The following EML2 variants were observed in gnomAD, a reference collection of about 807,000 sequenced individuals.
EML2 encodes the protein echinoderm microtubule-associated protein-like 2.
A neutral mutation model predicts 84.7 loss-of-function variants in EML2; 59 were observed. That is an observed-to-expected ratio of 0.70 (90% confidence interval 0.56 to 0.86). The LOEUF (loss-of-function observed/expected upper bound fraction) is 0.86, where lower values mean the gene tolerates loss of function less well. Ranked by LOEUF, EML2 falls within the 40% of genes least tolerant of loss-of-function variation. EML2 has a pLI of 0.00. For missense variants in EML2, 818 were observed against 855.6 expected, an observed-to-expected ratio of 0.96 and a Z score of 0.55; for synonymous variants, 352 against 348.9, an observed-to-expected ratio of 1.01 and a Z score of -0.10.
chr19:45,637,066 T>G (rs1181011116), intron 3 of EML2, among the ~76,000 whole-genome samples: 1 of 152,246 alleles, frequency 6.6e-6, no homozygotes, highest in Non-Finnish European at 1.5e-5. Context: ...TCTCATCAGA[T>G]GCTTATCAAG....
Position 45,613,675 on chromosome 19 carries a change from TG to T in EML2, c.1694-5del. 1 of 1,611,106 alleles carries T rather than the reference TG, an allele frequency of 6.2e-7. No individual in the cohort carries two copies. Among genetic ancestry groups the T allele is most frequent in the South Asian group, 1.1e-5 (1 of 91,002 alleles). ...TCCGCCCCCTCAGACCAGATCCCTG[TG>T]GGCAAGATGAAGGGAAGTGGTAAGA... On this transcript the variant is annotated splice_region_variant and splice_polypyrimidine_tract_variant and intron_variant, in intron 17 of 18. Transcript: ENST00000245925.
intron 9 of EML2, among the ~76,000 whole-genome samples, 184 bp downstream of exon 9, chr19:45,624,535 G>A (rs1972076436): frequency 6.6e-6 from 1 of 152,104 alleles, no homozygotes; most frequent in Non-Finnish European, 1.5e-5. Context: ...CAGAGGGCAA[G>A]GCAGGGGGGA....
chr19:45,626,858 A>G lies in EML2; in HGVS notation c.607-19T>C, dbSNP rs1972401163. 3.1e-6 allele frequency: 5 copies of G among 1,592,666 alleles called. No individual in the cohort carries two copies. Among genetic ancestry groups the G allele is most frequent in the Non-Finnish European group, 4.3e-6 (5 of 1,168,640 alleles). ...TGGAGCACTTTGGGGGGTGGGGGAG[A>G]TTCTGAATGAGGACCTCAAAGTCCC... On this transcript the variant is annotated intron_variant, in intron 7 of 18. Coordinates refer to ENST00000245925, the MANE Select transcript of EML2 (RefSeq NM_012155.4).
chr19:45,614,559 T>G, intron 17 of EML2, 46 bp downstream of exon 17: 2 of 1,543,326 alleles, frequency 1.3e-6, no homozygotes, highest in Non-Finnish European at 1.8e-6. Context: ...GGGATGTCTC[T>G]CAGAACTACT....
chr19:45,625,264 C>T (rs1024297635), intron 8 of EML2, among the ~76,000 whole-genome samples: 1 of 151,502 alleles, frequency 6.6e-6, no homozygotes, highest in Non-Finnish European at 1.5e-5. Flanking sequence ...GTTTTTCAGA[C>T]GGAGTCTCGC....
Position 45,614,698 on chromosome 19 carries a change from C to T in EML2, c.1600G>A (p.Asp534Asn). Residue 534 changes from aspartate to asparagine, a missense_variant and splice_region_variant, in exon 17 of 19, where the codon GAC becomes AAC. Coordinates refer to ENST00000245925, the MANE Select transcript of EML2 (RefSeq NM_012155.4). The stretch of plus-strand genomic sequence containing the variant: ...GTGATCTGCTTACAGGTAGCCGGGT[C>T]CCCTGGGGCAGAAAATGGGAGGAGA... ...NSGDYEILYW[D>N]PATCKQITSA... 2 of 1,613,492 alleles carry T rather than the reference C, an allele frequency of 1.2e-6. No individual in the cohort carries two copies. Among genetic ancestry groups the T allele is most frequent in the Non-Finnish European group, 1.7e-6 (2 of 1,179,526 alleles).
At chr19:45,618,524 G>A (rs1312629010) in intron 12 of EML2, among the ~76,000 whole-genome samples, 1 of 152,014 alleles carries the variant, frequency 6.6e-6, no homozygotes, top group Non-Finnish European at 1.5e-5. Context: ...CCCTCCTCAT[G>A]GCGGCACCCC....
chr19:45,634,028 C>T (rs918642953), intron 4 of EML2, among the ~76,000 whole-genome samples: 2 of 152,144 alleles, frequency 1.3e-5, no homozygotes, highest in African/African-American at 4.8e-5. Flanking sequence ...ACTGCAGCCT[C>T]GACCTCCTGG....
intron 7 of EML2, among the ~76,000 whole-genome samples, chr19:45,627,501 C>T (rs576942019): frequency 1.3e-5 from 2 of 152,068 alleles, no homozygotes; most frequent in African/African-American, 4.8e-5. Flanking sequence ...GTGATCTTCC[C>T]ACCTCAGCCT....
At position 45,616,779 on chromosome 19, in the gene EML2, AC is replaced by A; in HGVS notation, c.1396del (p.Val466SerfsTer82). 6.2e-7 allele frequency: 1 copy of A among 1,613,110 alleles called. No individual in the cohort carries two copies. The highest frequency in any genetic ancestry group is 8.5e-7 in the Non-Finnish European group (1 of 1,179,824). On this transcript the variant is annotated frameshift_variant, in exon 14 of 19. Coordinates refer to ENST00000245925, the MANE Select transcript of EML2 (RefSeq NM_012155.4). LOFTEE classifies it high-confidence loss of function. ...CTGCCGCTTACCTGGGGAGAAGCTGACCACTGAGATCTGTTCATTGCCGTCT... is the reference window on the plus strand; with the variant it reads ...CTGCCGCTTACCTGGGGAGAAGCTGACACTGAGATCTGTTCATTGCCGTCT... ...HTDGNEQISVVSFSPDGAYLA... is the reference protein window; with the variant it reads ...HTDGNEQISVXSFSPDGAYLA...
At chr19:45,620,751 C>T (rs1971588713) in intron 11 of EML2, 2 of 274,482 alleles carry the variant, frequency 7.3e-6, no homozygotes, top group African/African-American at 2.2e-5. Context: ...TAGTGCTTCC[C>T]GGTAGGTGAG....
At chr19:45,642,405 A>C (rs1974623412), upstream of EML2, 2 of 1,507,684 alleles carry the variant, frequency 1.3e-6, no homozygotes, top group Non-Finnish European at 1.8e-6. Context: ...TCCAGTGCCC[A>C]AGGGGTCCCT....
intron 9 of EML2, 90 bp from the exon 10 acceptor site, chr19:45,621,727 T>A: frequency 7.4e-7 from 1 of 1,359,596 alleles, no homozygotes; most frequent in Non-Finnish European, 9.9e-7. Context: ...CCTATGTCCA[T>A]CCATTCTCAC....
chr19:45,616,629 C>T lies in EML2; in HGVS notation c.1412-71G>A, dbSNP rs1377902188. 6.3e-6 allele frequency: 9 copies of T among 1,418,018 alleles called. No individual in the cohort carries two copies. The South Asian group carries it at 8.3e-5, about 13-fold the overall frequency. The allele number at this position is 1,418,018 out of a possible 1,614,324, so 87.8% of individuals were successfully genotyped here. A position where few individuals can be genotyped will look rare whatever the true frequency, so the allele number is the denominator to read the frequency against. On this transcript the variant is annotated intron_variant, in intron 14 of 18. Coordinates refer to ENST00000245925, the MANE Select transcript of EML2 (RefSeq NM_012155.4). ...CCCCTCCTCGCCCAGACTCAGCCCC[C>T]TCAACAGTCCCCAGCTCCATCCCCA...
chr19:45,641,990 C>A, upstream of EML2: 2 of 1,446,526 alleles, frequency 1.4e-6, no homozygotes, highest in Non-Finnish European at 1.8e-6. Flanking sequence ...CCGCGGGGGT[C>A]CCGAGCCATT....
At chr19:45,635,547 C>T (rs992549852) in intron 3 of EML2, among the ~76,000 whole-genome samples, 2 of 150,732 alleles carry the variant, frequency 1.3e-5, no homozygotes, top group Non-Finnish European at 2.9e-5. Flanking sequence ...GGCTGATGGT[C>T]CCCTCCCACT....
At chr19:45,630,295 T>C (rs551631752) in intron 6 of EML2, among the ~76,000 whole-genome samples, 3 of 152,206 alleles carry the variant, frequency 2.0e-5, no homozygotes, top group African/African-American at 7.2e-5. Context: ...GGCTCACACC[T>C]GTAATCCCAG....
At chr19:45,614,562 G>C in intron 17 of EML2, 43 bp downstream of exon 17, 3 of 1,558,430 alleles carry the variant, frequency 1.9e-6, no homozygotes. Flanking sequence ...ATGTCTCTCA[G>C]AACTACTGTC....
At chr19:45,639,773 C>A (rs912673722), upstream of EML2, among the ~76,000 whole-genome samples, 17 of 152,268 alleles carry the variant, frequency 1.1e-4, no homozygotes, top group African/African-American at 4.1e-4. Flanking sequence ...GCGGGCAGAT[C>A]ACCTGAGGTC....
Sources: gnomAD v4.1 joint callset for allele counts (sites outside exome capture counted in the v4.1 genomes callset) on GRCh38, gnomAD v4.1.1 for gene constraint, MANE v1.5 for transcripts, NCBI Gene and HGNC (gene_info 2026-07-23, HGNC 2026-07-21) for gene names.